LSAMP: variants seen among roughly 807,000 people sequenced by gnomAD.
The protein encoded by LSAMP is limbic system-associated membrane protein.
LSAMP carries 7 observed loss-of-function variants against 38.6 expected under a neutral mutation model. The observed-to-expected ratio is 0.18, with a 90% confidence interval of 0.10 to 0.34. The LOEUF (loss-of-function observed/expected upper bound fraction) is 0.34. Ranked by LOEUF, LSAMP falls within the 10% of genes least tolerant of loss-of-function variation. The pLI is 1.00. For missense variants in LSAMP, 313 were observed against 420.0 expected, an observed-to-expected ratio of 0.75 and a Z score of 2.23; for synonymous variants, 154 against 166.8, an observed-to-expected ratio of 0.92 and a Z score of 0.59.
intron 3 of LSAMP, among the ~76,000 whole-genome samples, chr3:115,877,644 G>C (rs1314778265): frequency 6.6e-6 from 1 of 152,098 alleles, no homozygotes; most frequent in African/African-American, 2.4e-5. Context: ...GAAAGTTTCT[G>C]GACTTTTAAC....
At chr3:115,880,841 G>A (rs995054964) in intron 3 of LSAMP, among the ~76,000 whole-genome samples, 5 of 151,872 alleles carry the variant, frequency 3.3e-5, no homozygotes, top group East Asian at 1.9e-4. Context: ...AGACCAGCCC[G>A]GCCTACCAAC....
intron 1 of LSAMP, among the ~76,000 whole-genome samples, chr3:116,334,789 A>G (rs1234117832): frequency 6.6e-6 from 1 of 152,114 alleles, no homozygotes. Context: ...AACATTATCA[A>G]TGGTGAAAGA....
intron 3 of LSAMP, among the ~76,000 whole-genome samples, chr3:115,916,667 C>T (rs1559879898): frequency 6.6e-6 from 1 of 152,072 alleles, no homozygotes; most frequent in Non-Finnish European, 1.5e-5. Flanking sequence ...GAAAATATTT[C>T]TTGAGTAAAG....
At chr3:116,086,023 T>C (rs1345986438) in intron 2 of LSAMP, among the ~76,000 whole-genome samples, 1 of 152,168 alleles carries the variant, frequency 6.6e-6, no homozygotes, top group African/African-American at 2.4e-5. Flanking sequence ...TTCTGTGTGT[T>C]CTGGTATCCC....
chr3:116,159,846 G>A (rs1031674116), intron 1 of LSAMP, among the ~76,000 whole-genome samples: 1 of 152,148 alleles, frequency 6.6e-6, no homozygotes, highest in South Asian at 2.1e-4. Context: ...TAATGGTAGA[G>A]TGGATGAAGA....
At chr3:115,942,329 G>T (rs1244336306) in intron 3 of LSAMP, among the ~76,000 whole-genome samples, 5 of 152,096 alleles carry the variant, frequency 3.3e-5, no homozygotes, top group Non-Finnish European at 7.4e-5. Context: ...TTTTAAAAGT[G>T]CAAGTATTTC....
intron 1 of LSAMP, among the ~76,000 whole-genome samples, chr3:116,367,403 A>G (rs570048359): frequency 1.2e-3 from 182 of 151,836 alleles, no homozygotes; most frequent in African/African-American, 4.2e-3. Flanking sequence ...TTCTTTTATA[A>G]TTTATCAGAT....
chr3:116,031,577 T>A (rs1940926234), intron 2 of LSAMP, among the ~76,000 whole-genome samples: 1 of 86,718 alleles, frequency 1.2e-5, no homozygotes, highest in Admixed American at 1.3e-4. Flanking sequence ...TTTTTTTTTT[T>A]TTTTTTTTTT....
chr3:116,265,342 T>C (rs1308927913), intron 1 of LSAMP, among the ~76,000 whole-genome samples: 1 of 152,224 alleles, frequency 6.6e-6, no homozygotes, highest in East Asian at 1.9e-4. Context: ...ACTGGATTAC[T>C]ATTAAGCTCA....
At chr3:116,113,310 A>G (rs1455723587) in intron 1 of LSAMP, among the ~76,000 whole-genome samples, 1 of 150,678 alleles carries the variant, frequency 6.6e-6, no homozygotes, top group Admixed American at 6.6e-5. Context: ...GTCACACCCT[A>G]CCATTCATCC....
At chr3:116,234,470 A>T (rs1389518844) in intron 1 of LSAMP, among the ~76,000 whole-genome samples, 1 of 138,928 alleles carries the variant, frequency 7.2e-6, no homozygotes, top group African/African-American at 2.6e-5. Context: ...AGATATATTT[A>T]TCATATATCT....
chr3:115,939,540 CTTT>C (rs1161410156), intron 3 of LSAMP, among the ~76,000 whole-genome samples: 1 of 79,526 alleles, frequency 1.3e-5, no homozygotes, highest in Non-Finnish European at 2.9e-5. Flanking sequence ...CTCTTTCTTT[CTTT>C]CTTTCTTTCT....
At chr3:115,963,612 C>T (rs955853639) in intron 3 of LSAMP, among the ~76,000 whole-genome samples, 19 of 152,198 alleles carry the variant, frequency 1.2e-4, no homozygotes, top group African/African-American at 3.9e-4. Flanking sequence ...GAGGGAATGG[C>T]GGGTATGACT....
At chr3:115,912,751 T>C (rs1937162901) in intron 3 of LSAMP, among the ~76,000 whole-genome samples, 1 of 152,204 alleles carries the variant, frequency 6.6e-6, no homozygotes. Flanking sequence ...TCTGCCTCTT[T>C]TTTGGTCTTT....
At chr3:115,883,402 G>T (rs940170730) in intron 3 of LSAMP, among the ~76,000 whole-genome samples, 3 of 152,042 alleles carry the variant, frequency 2.0e-5, no homozygotes, top group Non-Finnish European at 4.4e-5. Flanking sequence ...AGTAGATGTA[G>T]ATGCCTTAGT....
At chr3:116,126,607 A>G (rs1032654980) in intron 1 of LSAMP, among the ~76,000 whole-genome samples, 1 of 152,162 alleles carries the variant, frequency 6.6e-6, no homozygotes, top group African/African-American at 2.4e-5. Flanking sequence ...CATGCATGTA[A>G]TCCCAGCACT....
At chr3:116,183,776 A>C (rs1043604190) in intron 1 of LSAMP, among the ~76,000 whole-genome samples, 1 of 151,916 alleles carries the variant, frequency 6.6e-6, no homozygotes, top group Admixed American at 6.6e-5. Flanking sequence ...ATTTAAAAGC[A>C]TCCCTGATAA....
intron 3 of LSAMP, among the ~76,000 whole-genome samples, chr3:115,922,138 A>G (rs1396828049): frequency 6.6e-6 from 1 of 151,930 alleles, no homozygotes; most frequent in Non-Finnish European, 1.5e-5. Flanking sequence ...AGACTTGGGG[A>G]GTTTTCATTC....
At chr3:115,877,177 C>T (rs186691152) in intron 3 of LSAMP, among the ~76,000 whole-genome samples, 6 of 152,040 alleles carry the variant, frequency 3.9e-5, no homozygotes, top group Non-Finnish European at 7.4e-5. Flanking sequence ...AACTGACATC[C>T]GGGATAACAA....
Sources: gnomAD v4.1 joint callset for allele counts (sites outside exome capture counted in the v4.1 genomes callset) on GRCh38, gnomAD v4.1.1 for gene constraint, MANE v1.5 for transcripts, NCBI Gene and HGNC (gene_info 2026-07-23, HGNC 2026-07-21) for gene names.